Variants in SOX5 observed in about 807,000 individuals in gnomAD.
SOX5 encodes the protein SRY-box transcription factor 5, also known as transcription factor SOX-5.
Under a neutral mutation model 92.0 loss-of-function variants are expected in SOX5, and 9 were observed. The observed-to-expected ratio is 0.10, with a 90% CI of 0.06 to 0.17. SOX5 has a LOEUF of 0.17. Ranked by LOEUF, SOX5 falls within the 10% of genes least tolerant of loss-of-function variation. The pLI is 1.00. For synonymous variants in SOX5, 344 were observed against 336.3 expected (o/e 1.02, Z -0.25); for missense variants, 642 against 944.5 (o/e 0.68, Z 4.20).
chr12:24,260,703 G>A (rs1174411081), intron 3 of SOX5, among the ~76,000 whole-genome samples: 1 of 152,064 alleles, frequency 6.6e-6, no homozygotes, highest in African/African-American at 2.4e-5. Context: ...ATGAGAAGTT[G>A]GATCACATGT....
intron 6 of SOX5, among the ~76,000 whole-genome samples, chr12:23,689,958 T>C (rs1323375214): frequency 6.6e-6 from 1 of 152,206 alleles, no homozygotes; most frequent in Non-Finnish European, 1.5e-5. Flanking sequence ...GTTGATATTG[T>C]TTATTTCACA....
intron 1 of SOX5, among the ~76,000 whole-genome samples, chr12:24,454,807 A>T (rs1942801241): frequency 6.6e-6 from 1 of 152,100 alleles, no homozygotes; most frequent in African/African-American, 2.4e-5. Flanking sequence ...TTTTCATGAC[A>T]TAGGTTAAAA....
intron 2 of SOX5, among the ~76,000 whole-genome samples, chr12:24,321,262 TTAA>T (rs1356403991): frequency 1.4e-4 from 22 of 152,350 alleles, no homozygotes; most frequent in African/African-American, 5.3e-4. Flanking sequence ...GTTTCATTAA[TTAA>T]TAACATTCTG....
At chr12:24,123,289 T>C (rs1262696882) in intron 4 of SOX5, among the ~76,000 whole-genome samples, 1 of 152,234 alleles carries the variant, frequency 6.6e-6, no homozygotes, top group Non-Finnish European at 1.5e-5. Context: ...AGGTAACTAA[T>C]TCAAAATAGC....
chr12:23,765,575 TCA>T (rs2094699791), intron 3 of SOX5, among the ~76,000 whole-genome samples: 10 of 151,978 alleles, frequency 6.6e-5, no homozygotes. Context: ...CAGAGACTTC[TCA>T]TTCTTAATGA....
intron 7 of SOX5, among the ~76,000 whole-genome samples, chr12:23,664,986 A>C (rs2083577417): frequency 6.6e-6 from 1 of 152,172 alleles, no homozygotes; most frequent in Non-Finnish European, 1.5e-5. Flanking sequence ...TGATGATGCG[A>C]GTCCAGAGTC....
chr12:24,324,582 C>T (rs1397663574), intron 2 of SOX5, among the ~76,000 whole-genome samples: 2 of 151,906 alleles, frequency 1.3e-5, no homozygotes, highest in Non-Finnish European at 2.9e-5. Context: ...TTATTTAAAA[C>T]TCTATATCCT....
intron 4 of SOX5, among the ~76,000 whole-genome samples, chr12:24,108,050 C>T (rs1307181218): frequency 6.6e-6 from 1 of 152,124 alleles, no homozygotes; most frequent in Non-Finnish European, 1.5e-5. Flanking sequence ...AGAGAACTTG[C>T]TAATGAAAAG....
chr12:23,708,858 C>G (rs1462822000), intron 6 of SOX5, among the ~76,000 whole-genome samples: 1 of 152,132 alleles, frequency 6.6e-6, no homozygotes, highest in Non-Finnish European at 1.5e-5. Context: ...CACAAATTCA[C>G]AAGATTAGGA....
At chr12:23,970,733 G>A (rs907405639) in intron 4 of SOX5, among the ~76,000 whole-genome samples, 11 of 146,374 alleles carry the variant, frequency 7.5e-5, no homozygotes, top group Admixed American at 1.4e-4. Context: ...ATTGTGAACC[G>A]TGCTGCAATG....
chr12:24,505,874 C>CGTGCGTGTGTGTGTGTGT (rs1555327847), intron 1 of SOX5, among the ~76,000 whole-genome samples: 1 of 148,018 alleles, frequency 6.8e-6, no homozygotes, highest in Non-Finnish European at 1.5e-5. Flanking sequence ...TGTGTGTGTG[C>CGTGCGTGTGTGTGTGTGT]GCATCACTGC....
At chr12:24,267,450 G>A (rs930167952) in intron 3 of SOX5, among the ~76,000 whole-genome samples, 1 of 152,102 alleles carries the variant, frequency 6.6e-6, no homozygotes, top group East Asian at 1.9e-4. Context: ...TTATGAATTA[G>A]GGAATACTTT....
At chr12:24,023,809 AATTC>A (rs1032904717) in intron 4 of SOX5, among the ~76,000 whole-genome samples, 4 of 152,044 alleles carry the variant, frequency 2.6e-5, no homozygotes, top group African/African-American at 4.8e-5. Flanking sequence ...TTTATTAATT[AATTC>A]ATTATTTATT....
intron 4 of SOX5, among the ~76,000 whole-genome samples, chr12:24,095,122 C>CAGAGAGAGAGAGAGAGAGAGAGAGAG (rs1375437943): frequency 5.3e-5 from 5 of 93,900 alleles, no homozygotes; most frequent in East Asian, 3.5e-4. Context: ...CACACACACA[C>CAGAGAGAGAGAGAGAGAGAGAGAGAG]ACACACAGAG....
intron 2 of SOX5, among the ~76,000 whole-genome samples, chr12:24,324,828 A>G (rs1950526680): frequency 6.6e-6 from 1 of 151,972 alleles, no homozygotes. Flanking sequence ...CACAATGCCT[A>G]CCTCCTGGGA....
chr12:24,515,505 T>C (rs190660886), intron 1 of SOX5, among the ~76,000 whole-genome samples: 2 of 152,296 alleles, frequency 1.3e-5, no homozygotes, highest in East Asian at 1.9e-4. Context: ...AATTCTACCA[T>C]AGCGTTTTCT....
chr12:23,681,463 T>C (rs983943741), intron 6 of SOX5, among the ~76,000 whole-genome samples: 18 of 151,786 alleles, frequency 1.2e-4, no homozygotes, highest in African/African-American at 2.4e-4. Flanking sequence ...GACCAAGAGA[T>C]TGAATATTTT....
At chr12:23,558,023 A>AGAT (rs1344666419) in intron 11 of SOX5, among the ~76,000 whole-genome samples, 1 of 152,074 alleles carries the variant, frequency 6.6e-6, no homozygotes, top group Non-Finnish European at 1.5e-5. Context: ...GAAGGGCAAA[A>AGAT]GATAGATAGA....
chr12:24,188,654 C>T (rs12581372), intron 4 of SOX5, among the ~76,000 whole-genome samples: 16,267 of 152,012 alleles, frequency 0.11, 1,213 homozygotes, highest in East Asian at 0.37. Flanking sequence ...TTGACTACAG[C>T]ATCAAGGAAA....
Sources: gnomAD v4.1 joint callset for allele counts (sites outside exome capture counted in the v4.1 genomes callset) on GRCh38, gnomAD v4.1.1 for gene constraint, MANE v1.5 for transcripts, NCBI Gene and HGNC (gene_info 2026-07-23, HGNC 2026-07-21) for gene names.